Variants in STXBP2 observed in about 807,000 individuals in gnomAD.
STXBP2 encodes the protein syntaxin-binding protein 2.
Under a neutral mutation model 72.2 loss-of-function variants are expected in STXBP2, and 47 were observed. That is an observed-to-expected ratio of 0.65 (90% CI 0.51 to 0.83). STXBP2 has a LOEUF of 0.83. STXBP2 is among the 40% of genes least tolerant of loss of function. The probability of loss-of-function intolerance (pLI) is 0.00; values close to 1 mark genes in which losing one functional copy is unlikely to be tolerated. For synonymous variants in STXBP2, 367 were observed against 338.7 expected (o/e 1.08, Z -0.92); for missense variants, 702 against 807.6 (o/e 0.87, Z 1.58).
At chr19:7,634,338 A>G (rs567886229), upstream of STXBP2, among the ~76,000 whole-genome samples, 3 of 152,266 alleles carry the variant, frequency 2.0e-5, no homozygotes, top group African/African-American at 7.2e-5. Flanking sequence ...AAACCAGTGG[A>G]AGTTTCATCT....
the STXBP2 span, chr19:7,630,007 A>C: frequency 1.2e-5 from 12 of 970,512 alleles, no homozygotes; most frequent in East Asian, 3.9e-5. Flanking sequence ...CTGGTTGGAA[A>C]TCCAGGAGAG....
At chr19:7,632,676 G>A (rs758454895), upstream of STXBP2, 10 of 1,549,404 alleles carry the variant, frequency 6.5e-6, no homozygotes, top group South Asian at 2.3e-5. This position sits in a 1 kb window ranked among gnomAD's most constrained non-coding sequence, Gnocchi z 5.2. Flanking sequence ...CTCCCACCCC[G>A]TTCACGCCCC....
At chr19:7,635,177 G>A (rs1366407208), upstream of STXBP2, among the ~76,000 whole-genome samples, 1 of 152,192 alleles carries the variant, frequency 6.6e-6, no homozygotes, top group Admixed American at 6.5e-5. Flanking sequence ...GAAGCTGGAG[G>A]CGGTCCTGGC....
At chr19:7,631,453 AC>A in the STXBP2 span, 1 of 1,517,586 alleles carries the variant, frequency 6.6e-7, no homozygotes, top group Non-Finnish European at 8.8e-7. Flanking sequence ...TTCCTGTCCC[AC>A]CCGCTTCTCC....
chr19:7,629,898 G>A, the STXBP2 span: 1 of 1,507,304 alleles, frequency 6.6e-7, no homozygotes, highest in South Asian at 1.2e-5. Context: ...GGCTGGGCAG[G>A]GGATCTTCCT....
upstream of STXBP2, chr19:7,632,619 C>T: frequency 6.3e-7 from 1 of 1,585,788 alleles, no homozygotes; most frequent in Non-Finnish European, 8.6e-7. This position sits in a 1 kb window ranked among gnomAD's most constrained non-coding sequence, Gnocchi z 5.2. Flanking sequence ...ACAACCACCT[C>T]CCACATCCCG....
chr19:7,635,855 A>G (rs1234411657), upstream of STXBP2, among the ~76,000 whole-genome samples: 1 of 152,196 alleles, frequency 6.6e-6, no homozygotes, highest in Non-Finnish European at 1.5e-5. Flanking sequence ...AAAGTCCTGC[A>G]TCCTGGCACT....
At chr19:7,639,924 ATGTGTATGTG>A (rs775374789) in intron 4 of STXBP2, 117 bp downstream of exon 4, 2 of 1,110,014 alleles carry the variant, frequency 1.8e-6, no homozygotes, top group Middle Eastern at 2.6e-4. Flanking sequence ...GCATGTGTCC[ATGTGTATGTG>A]TGTGCATGTG....
chr19:7,646,163 C>T, intron 15 of STXBP2, 86 bp from the exon 16 acceptor site: 1 of 1,156,342 alleles, frequency 8.6e-7, no homozygotes, highest in Non-Finnish European at 1.3e-6. Flanking sequence ...CCATCCCCCA[C>T]CCTACCAGCC....
At chr19:7,640,290 G>A in intron 4 of STXBP2, 1 of 557,286 alleles carries the variant, frequency 1.8e-6, no homozygotes, top group Non-Finnish European at 3.4e-6. Context: ...GCATCTGTGT[G>A]CATGTGTCTA....
the STXBP2 span, chr19:7,630,116 G>A: frequency 1.2e-5 from 6 of 487,762 alleles, no homozygotes; most frequent in South Asian, 3.2e-5. Context: ...GGTGAGCTGA[G>A]AAGGGGGCTC....
chr19:7,643,334 G>T (rs553834060), intron 13 of STXBP2, 89 bp downstream of exon 13: 8 of 1,385,094 alleles, frequency 5.8e-6, no homozygotes, highest in South Asian at 1.2e-5. Flanking sequence ...GGGGGGTTCT[G>T]GGGGAGGGGC....
rs115875162 is a variant in STXBP2, at chr19:7,642,159, G to T, written c.663+41G>T. ...TGGGAGGTGAGGGGCAGCCCCAACC[G>T]GCTCAGGGTCAGTGCCTCATTCCTG... is the stretch of plus-strand genomic sequence containing the variant. On this transcript the variant is annotated intron_variant, in intron 8 of 18. Transcript: ENST00000221283. The surrounding 1 kb of genome is among the most constrained non-coding windows in gnomAD (Gnocchi z 6.0). 5 of 1,613,892 alleles carry T rather than the reference G, an allele frequency of 3.1e-6. No individual in the cohort carries two copies. Among genetic ancestry groups the T allele is most frequent in the African/African-American group, 1.3e-5 (1 of 74,884 alleles).
At chr19:7,646,766 C>T (rs2032154481) in intron 16 of STXBP2, 1 of 396,320 alleles carries the variant, frequency 2.5e-6, no homozygotes, top group Admixed American at 4.0e-5. Flanking sequence ...ACCTGGGCCT[C>T]CTCATCCCCA....
At chr19:7,640,627 C>T in intron 4 of STXBP2, 104 bp from the exon 5 acceptor site, 1 of 1,456,578 alleles carries the variant, frequency 6.9e-7, no homozygotes, top group East Asian at 2.3e-5. Context: ...CCCCGTCCGT[C>T]CATGTTTGCA....
exon 1 of STXBP2, chr19:7,637,108 TTGGGACACACC>T (rs974221530): frequency 8.1e-7 from 1 of 1,237,844 alleles, no homozygotes; most frequent in Admixed American, 4.2e-5. Flanking sequence ...CGCCCCCACC[TTGGGACACACC>T]CGGAAGCGGC....
At chr19:7,633,573 C>T, upstream of STXBP2, 1 of 989,018 alleles carries the variant, frequency 1.0e-6, no homozygotes, top group Non-Finnish European at 1.5e-6. Context: ...AAATCCCCAG[C>T]TCATGCCCCA....
chr19:7,630,452 T>G, the STXBP2 span: 1 of 762,814 alleles, frequency 1.3e-6, no homozygotes, highest in Non-Finnish European at 2.2e-6. Context: ...GTTCTGGGAT[T>G]CTTGGGTCGG....
chr19:7,645,081 C>G, intron 14 of STXBP2, 116 bp from the exon 15 acceptor site: 2 of 1,460,602 alleles, frequency 1.4e-6, no homozygotes, highest in Non-Finnish European at 1.9e-6. Flanking sequence ...TGAGGCCCTC[C>G]CCACTGCAAG....
Sources: gnomAD v4.1 joint callset for allele counts (sites outside exome capture counted in the v4.1 genomes callset) on GRCh38, gnomAD v4.1.1 for gene constraint, Gnocchi (gnomAD v3.1) non-coding constraint, MANE v1.5 for transcripts, NCBI Gene and HGNC (gene_info 2026-07-23, HGNC 2026-07-21) for gene names.